ESPL1: variants seen among roughly 807,000 people sequenced by gnomAD.
ESPL1 encodes the protein extra spindle pole bodies like 1, separase, also known as separin.
A neutral mutation model predicts 217.2 loss-of-function variants in ESPL1; 50 were observed. The observed-to-expected ratio is 0.23, with a 90% CI of 0.18 to 0.29. ESPL1 has a LOEUF of 0.29. ESPL1 is among the 10% of genes least tolerant of loss of function. The pLI is 1.00. For synonymous variants in ESPL1, 994 were observed against 1,081.3 expected (o/e 0.92, Z 1.58); for missense variants, 1,834 against 2,603.0 (o/e 0.70, Z 6.43).
rs747551318 is a variant in ESPL1 at position 53,292,906 on chromosome 12, G to T, written c.6097G>T (p.Ala2033Ser). Residue 2033 changes from alanine (A) to serine (S), a missense_variant, in exon 30 of 31, where the codon GCC (alanine) becomes TCC (serine). Ala to Ser is a moderately conservative substitution (Grantham distance 99). This residue lies in a region of ESPL1 where 295 missense variants were observed against 519.8 expected (regional missense o/e 0.57). Coordinates refer to ENST00000257934, the MANE Select transcript of ESPL1 (RefSeq NM_012291.5). The surrounding 1 kb of genome is among the most constrained non-coding windows in gnomAD (Gnocchi z 4.5). ...VALLFGCSSAALAVRGNLEGA... is the reference protein window; with the variant it reads ...VALLFGCSSASLAVRGNLEGA... ...CCTGCTGTTTGGCTGTAGCAGTGCG[G>T]CCCTGGCTGTGCGTGGAAACCTGGA... 3 of 1,613,820 alleles carry T rather than the reference G, an allele frequency of 1.9e-6. No homozygotes were observed. The Middle Eastern group carries it at 5.0e-4, about 266-fold the overall frequency.
chr12:53,269,773 G>A lies in ESPL1; in HGVS notation c.831G>A (p.Lys277=). ...ACAAAGCCATCAGCGCAGTGGAGAA[G>A]GCTCACAGTTACCTAAGGAACACCA... is the stretch of plus-strand genomic sequence containing the variant. ...HHDKAISAVE[K]AHSYLRNTNL... is the part of the protein sequence containing the mutation. The change falls in exon 3 of 31, where the codon AAG becomes AAA. Residue 277 remains lysine, a synonymous_variant. Transcript: ENST00000257934. The surrounding 1 kb of genome is among the most constrained non-coding windows in gnomAD (Gnocchi z 6.7). 6.2e-7 allele frequency: 1 copy of A among 1,614,188 alleles called. No individual in the cohort carries two copies. Among genetic ancestry groups the A allele is most frequent in the Non-Finnish European group, 8.5e-7 (1 of 1,180,030 alleles).
rs762358348 is a variant in ESPL1, at chr12:53,277,168, G to A, written c.2026G>A (p.Asp676Asn). ...CCAGGCCAGAGATCAGCTTCTGGAC[G>A]ATAAAGCACAGGCCTTGCTGTGGCT... ...EAQARDQLLDDKAQALLWLYI... is the reference protein window; with the variant it reads ...EAQARDQLLDNKAQALLWLYI... The change falls in exon 9 of 31, where the codon GAT becomes AAT. Residue 676 changes from aspartate (D) to asparagine (N), a missense_variant. Physicochemically the swap from Asp to Asn is conservative, Grantham distance 23. Transcript: ENST00000257934. 5.0e-6 allele frequency: 8 copies of A among 1,614,044 alleles called. No homozygotes were observed. The highest frequency in any genetic ancestry group is 2.2e-5 in the East Asian group (1 of 44,896).
intron 4 of ESPL1, 37 bp from the exon 5 acceptor site, chr12:53,270,641 A>G (rs373722072): frequency 1.1e-5 from 18 of 1,613,818 alleles, no homozygotes; most frequent in Non-Finnish European, 1.5e-5. Flanking sequence ...TGGACCCAGC[A>G]TGACTCCTCA....
At chr12:53,278,024 C>G (rs145876882) in intron 11 of ESPL1, 64 bp downstream of exon 11, 3 of 1,534,636 alleles carry the variant, frequency 2.0e-6, no homozygotes, top group Admixed American at 1.8e-5. Flanking sequence ...ACAGCTCCCT[C>G]GCCTTCTTTG....
intron 8 of ESPL1, 50 bp from the exon 9 acceptor site, chr12:53,277,033 A>G (rs2120909023): frequency 6.3e-7 from 1 of 1,596,202 alleles, no homozygotes; most frequent in Non-Finnish European, 8.6e-7. Context: ...CCAGGGCGCT[A>G]TGGCAGATAC....
chr12:53,286,624 A>G lies in ESPL1; in HGVS notation c.3888A>G (p.Pro1296=). 1 of 1,614,106 alleles carries G rather than the reference A, an allele frequency of 6.2e-7. No individual in the cohort carries two copies. The highest frequency in any genetic ancestry group is 8.5e-7 in the Non-Finnish European group (1 of 1,180,022). The change falls in exon 18 of 31, where the codon CCA becomes CCG. Residue 1296 remains proline, a synonymous_variant. Coordinates refer to ENST00000257934, the MANE Select transcript of ESPL1 (RefSeq NM_012291.5). The surrounding 1 kb of genome is among the most constrained non-coding windows in gnomAD (Gnocchi z 5.3). ...QLFASSWGWQ[P]PLIKSVPGSE... ...TTGCAAGCTCCTGGGGCTGGCAGCC[A>G]CCATTAATAAAAAGTGTCCCTGGCT...
chr12:53,270,702 C>A lies in ESPL1; in HGVS notation c.1273C>A (p.Gln425Lys), dbSNP rs779435119. 6.8e-6 allele frequency: 11 copies of A among 1,614,124 alleles called. No homozygotes were observed. Among genetic ancestry groups the A allele is most frequent in the Non-Finnish European group, 9.3e-6 (11 of 1,180,016 alleles). ...CQIVDLADLTQLVDSCKSTVV... is the reference protein window; with the variant it reads ...CQIVDLADLTKLVDSCKSTVV... Reference sequence around the variant, plus strand: ...GATAGTTGATTTGGCTGACCTGACCCAACTAGTGGACAGTTGTAAATCTAC... The same window carrying A: ...GATAGTTGATTTGGCTGACCTGACCAAACTAGTGGACAGTTGTAAATCTAC... Residue 425 changes from glutamine to lysine, a missense_variant, in exon 5 of 31, where the codon CAA (glutamine) becomes AAA (lysine). Transcript: ENST00000257934.
In ESPL1 at chr12:53,270,786, A is replaced by G. The variant is rs1943656120; in HGVS notation, c.1357A>G (p.Met453Val). The change falls in exon 5 of 31, where the codon ATG becomes GTG. Residue 453 changes from methionine (M) to valine (V), a missense_variant. Met to Val is a conservative substitution (Grantham distance 21). This residue lies in a region of ESPL1 where 746 missense variants were observed against 1,077.0 expected (regional missense o/e 0.69). Transcript: ENST00000257934. Reference sequence around the variant, plus strand: ...GTCGGGCCAAGAGCTGACGGACCACATGGGGATGACCGGTTAGTGCCCTGG... The same window carrying G: ...GTCGGGCCAAGAGCTGACGGACCACGTGGGGATGACCGGTTAGTGCCCTGG... ...GLSGQELTDH[M>V]GMTASYTSNL... is the part of the protein sequence containing the mutation. The G allele has an allele frequency of 1.9e-6, 3 of 1,614,188 alleles. No individual in the cohort carries two copies. The highest frequency in any genetic ancestry group is 1.7e-4 in the Middle Eastern group (1 of 6,060).
Position 53,287,374 on chromosome 12 carries a change from CT to C in ESPL1, c.4176+473del, listed in dbSNP as rs113102716. 243 of 130,096 alleles carry C rather than the reference CT, an allele frequency of 1.9e-3. 1 individual carries two copies. Among genetic ancestry groups the C allele is most frequent in the African/African-American group, 4.3e-3 (146 of 34,160 alleles). The allele number at this position is 130,096 out of a possible 1,614,324, so 8.1% of individuals were successfully genotyped here. On this transcript the variant is annotated intron_variant, in intron 18 of 30. Transcript: ENST00000257934. ...CGGCGTGAGCCACCATGCTCAGCCT[CT>C]TTTTTTTTTTGAGACGGACTCTCAC...
chr12:53,269,377 G>C lies in ESPL1; in HGVS notation c.435G>C (p.Arg145=), dbSNP rs1371953276. ...AAPQDYEAVA[R]GSFSLLWKGA... is the part of the protein sequence containing the mutation. The stretch of plus-strand genomic sequence containing the variant: ...CCCAGGACTATGAGGCCGTGGCTCG[G>C]GGCAGCTTTTCTCTGCTTTGGAAGG... The change falls in exon 3 of 31, where the codon CGG becomes CGC. Residue 145 remains arginine, a synonymous_variant. Coordinates refer to ENST00000257934, the MANE Select transcript of ESPL1 (RefSeq NM_012291.5). This position sits in a 1 kb window ranked among gnomAD's most constrained non-coding sequence, Gnocchi z 6.7. 6.2e-7 allele frequency: 1 copy of C among 1,613,998 alleles called. No homozygotes were observed. The highest frequency in any genetic ancestry group is 2.2e-5 in the East Asian group (1 of 44,876).
At position 53,293,583 on chromosome 12, in the gene ESPL1, A is replaced by G; in HGVS notation, c.*109A>G. The G allele has an allele frequency of 2.5e-6, 2 of 812,460 alleles. No individual in the cohort carries two copies. Among genetic ancestry groups the G allele is most frequent in the Non-Finnish European group, 4.0e-6 (2 of 501,590 alleles). 50.3% of individuals were successfully genotyped at this position (812,460 alleles called of 1,614,324 possible). A position where few individuals can be genotyped will look rare whatever the true frequency, so the allele number is the denominator to read the frequency against. On this transcript the variant is annotated 3_prime_UTR_variant, in exon 31 of 31. Coordinates refer to ENST00000257934, the MANE Select transcript of ESPL1 (RefSeq NM_012291.5). This position sits in a 1 kb window ranked among gnomAD's most constrained non-coding sequence, Gnocchi z 4.2. ...TTAAAGTGATTTTCCCCAGTGTTTTATATGAAACATTTCCTTTTGATTTAA... is the reference window on the plus strand; with the variant it reads ...TTAAAGTGATTTTCCCCAGTGTTTTGTATGAAACATTTCCTTTTGATTTAA...
chr12:53,292,158 A>G lies in ESPL1; in HGVS notation c.5796+70A>G, dbSNP rs186070575. On this transcript the variant is annotated intron_variant, in intron 27 of 30. Transcript: ENST00000257934. This position sits in a 1 kb window ranked among gnomAD's most constrained non-coding sequence, Gnocchi z 4.5. ...AAGACGTCAACAAAGAAGGGCAGAG[A>G]AACCTGAGAAGATAGGAGAGGGTCC... 2.3e-3 allele frequency: 3,310 copies of G among 1,449,092 alleles called. 147 individuals are homozygous for G. The Admixed American group carries it at 0.054, about 23-fold the overall frequency. 89.8% of individuals were successfully genotyped at this position (1,449,092 alleles called of 1,614,324 possible).
In ESPL1 at chr12:53,289,099, C is replaced by T; in HGVS notation, c.4718C>T (p.Thr1573Ile). Residue 1573 changes from threonine to isoleucine, a missense_variant, in exon 21 of 31, where the codon ACC (threonine) becomes ATC (isoleucine). Coordinates refer to ENST00000257934, the MANE Select transcript of ESPL1 (RefSeq NM_012291.5). ...PSAPVATGLS[T>I]LDSICDSLSV... ...CCTGACGTTCTTCTAGGTCTTTCTA[C>T]CCTGGACTCCATCTGTGACTCCCTG... 1 of 1,613,654 alleles carries T rather than the reference C, an allele frequency of 6.2e-7. No homozygotes were observed. The highest frequency in any genetic ancestry group is 8.5e-7 in the Non-Finnish European group (1 of 1,179,514).
At chr12:53,280,220 C>T (rs1325974311) in intron 12 of ESPL1, among the ~76,000 whole-genome samples, 1 of 152,182 alleles carries the variant, frequency 6.6e-6, no homozygotes, top group East Asian at 1.9e-4. Flanking sequence ...TTTTCTACTT[C>T]GTCTTCTTAA....
intron 24 of ESPL1, 90 bp from the exon 25 acceptor site, chr12:53,290,751 A>G (rs992938449): frequency 3.2e-6 from 4 of 1,231,114 alleles, no homozygotes; most frequent in Admixed American, 5.2e-5. Context: ...GCACATTGGA[A>G]AACGCATTTT....
Position 53,293,182 on chromosome 12 carries a change from C to A in ESPL1, c.6162-91C>A. 8.5e-7 allele frequency: 1 copy of A among 1,175,286 alleles called. No individual in the cohort carries two copies. The allele number at this position is 1,175,286 out of a possible 1,614,324, so 72.8% of individuals were successfully genotyped here. A position where few individuals can be genotyped will look rare whatever the true frequency, so the allele number is the denominator to read the frequency against. On this transcript the variant is annotated intron_variant, in intron 30 of 30. Transcript: ENST00000257934. This position sits in a 1 kb window ranked among gnomAD's most constrained non-coding sequence, Gnocchi z 4.2. ...AGGAGTTTCTCATTGGTTCAATCCT[C>A]TCCACTCACCCACCCCCACCACCAA...
Position 53,289,075 on chromosome 12 carries a change from C to T in ESPL1, c.4709-15C>T. 6.3e-7 allele frequency: 1 copy of T among 1,595,156 alleles called. No homozygotes were observed. Among genetic ancestry groups the T allele is most frequent in the African/African-American group, 1.3e-5 (1 of 74,658 alleles). On this transcript the variant is annotated splice_polypyrimidine_tract_variant and intron_variant, in intron 20 of 30. Transcript: ENST00000257934. Reference sequence around the variant, plus strand: ...AAGGAATTCAGCTGTACCAAGTGTCCTGACGTTCTTCTAGGTCTTTCTACC... The same window carrying T: ...AAGGAATTCAGCTGTACCAAGTGTCTTGACGTTCTTCTAGGTCTTTCTACC...
intron 6 of ESPL1, among the ~76,000 whole-genome samples, chr12:53,273,882 C>T (rs1394257628): frequency 4.1e-5 from 3 of 73,870 alleles, no homozygotes; most frequent in African/African-American, 5.5e-5. Flanking sequence ...CTGAGTCTTG[C>T]TCTTGCTTTG....
chr12:53,286,802 G>A lies in ESPL1; in HGVS notation c.4066G>A (p.Ala1356Thr). Residue 1356 changes from alanine (A) to threonine (T), a missense_variant, in exon 18 of 31, where the codon GCT becomes ACT. Physicochemically the swap from Ala to Thr is moderately conservative, Grantham distance 58. Coordinates refer to ENST00000257934, the MANE Select transcript of ESPL1 (RefSeq NM_012291.5). The surrounding 1 kb of genome is among the most constrained non-coding windows in gnomAD (Gnocchi z 5.3). Reference sequence around the variant, plus strand: ...TAAACCCCCAGACCGGATCAGGCAAGCTGGCCCTCATGTCCCCTTCACGGT... The same window carrying A: ...TAAACCCCCAGACCGGATCAGGCAAACTGGCCCTCATGTCCCCTTCACGGT... ...TPKPPDRIRQ[A>T]GPHVPFTVFE... 2 of 1,614,154 alleles carry A rather than the reference G, an allele frequency of 1.2e-6. No homozygotes were observed. Among genetic ancestry groups the A allele is most frequent in the African/African-American group, 1.3e-5 (1 of 75,058 alleles).
Sources: gnomAD v4.1 joint callset for allele counts (sites outside exome capture counted in the v4.1 genomes callset) on GRCh38, gnomAD v4.1.1 for gene constraint, gnomAD v4.1.1 regional missense constraint, Gnocchi (gnomAD v3.1) non-coding constraint, MANE v1.5 for transcripts, NCBI Gene and HGNC (gene_info 2026-07-23, HGNC 2026-07-21) for gene names.